The following NOX4 variants were observed in gnomAD, a reference collection of about 807,000 sequenced individuals.
NOX4 encodes NADPH oxidase 4.
A neutral mutation model predicts 87.6 loss-of-function variants in NOX4; 69 were observed. The ratio of observed to expected loss-of-function variants is 0.79; its 90% CI spans 0.65 to 0.96. The LOEUF (loss-of-function observed/expected upper bound fraction) is 0.96, where lower values mean the gene tolerates loss of function less well. Ranked by LOEUF, NOX4 falls within the 40% of genes least tolerant of loss-of-function variation. The pLI, the probability that NOX4 is intolerant of heterozygous loss-of-function variation, is 0.00. For missense variants in NOX4, 680 were observed against 681.5 expected, an observed-to-expected ratio of 1.00 and a Z score of 0.02; for synonymous variants, 275 against 238.2, an observed-to-expected ratio of 1.15 and a Z score of -1.42.
chr11:89,472,468 T>C (rs1945989519), intron 2 of NOX4, among the ~76,000 whole-genome samples: 1 of 152,204 alleles, frequency 6.6e-6, no homozygotes, highest in East Asian at 1.9e-4. Context: ...AAATATACAG[T>C]TCATAATGAC....
At chr11:89,421,550 C>G (rs1943084392) in intron 8 of NOX4, among the ~76,000 whole-genome samples, 1 of 152,056 alleles carries the variant, frequency 6.6e-6, no homozygotes, top group Non-Finnish European at 1.5e-5. Context: ...TTTAGCAGGA[C>G]AGTTTCAGGA....
chr11:89,474,641 A>G (rs1004513410), intron 2 of NOX4, among the ~76,000 whole-genome samples: 1 of 152,074 alleles, frequency 6.6e-6, no homozygotes, highest in African/African-American at 2.4e-5. Context: ...ATGCACATGT[A>G]TATATGTGTA....
chr11:89,579,830 A>C, the NOX4 span, among the ~76,000 whole-genome samples: 1 of 152,020 alleles, frequency 6.6e-6, no homozygotes, highest in African/African-American at 2.4e-5. Context: ...AATGAAGTAG[A>C]TGTATATGAT....
chr11:89,584,445 G>A, the NOX4 span, among the ~76,000 whole-genome samples: 2 of 152,046 alleles, frequency 1.3e-5, no homozygotes, highest in Non-Finnish European at 2.9e-5. Context: ...TTTTTACTCT[G>A]TCATGTCAAC....
chr11:89,392,019 G>T (rs1448521460), intron 11 of NOX4, among the ~76,000 whole-genome samples: 2 of 148,148 alleles, frequency 1.3e-5, no homozygotes, highest in Non-Finnish European at 3.0e-5. Context: ...TCCCGACCTG[G>T]GATAATTTCC....
the NOX4 span, among the ~76,000 whole-genome samples, chr11:89,509,997 T>TG: frequency 6.6e-6 from 1 of 152,060 alleles, no homozygotes; most frequent in Non-Finnish European, 1.5e-5. Context: ...GGAGGTAATT[T>TG]GAACCTACGG....
the NOX4 span, among the ~76,000 whole-genome samples, chr11:89,563,788 T>G: frequency 6.6e-6 from 1 of 152,322 alleles, no homozygotes; most frequent in South Asian, 2.1e-4. Context: ...TTATTTGTCT[T>G]TCTTAACATT....
chr11:89,400,961 T>C (rs572447070), intron 9 of NOX4, among the ~76,000 whole-genome samples: 5 of 152,048 alleles, frequency 3.3e-5, no homozygotes, highest in Admixed American at 1.3e-4. Context: ...AAAATAATAT[T>C]TATAATTTGG....
chr11:89,546,487 G>A, the NOX4 span: 5 of 152,104 alleles, frequency 3.3e-5, no homozygotes, highest in South Asian at 1.0e-3. Context: ...AGAGATAGAG[G>A]CTTGGCTCTT....
chr11:89,513,353 C>A, the NOX4 span, among the ~76,000 whole-genome samples: 1 of 151,638 alleles, frequency 6.6e-6, no homozygotes, highest in African/African-American at 2.4e-5. Context: ...AGAAGGAATT[C>A]CAACAGAGCT....
chr11:89,513,130 G>A, the NOX4 span, among the ~76,000 whole-genome samples: 1 of 151,984 alleles, frequency 6.6e-6, no homozygotes, highest in African/African-American at 2.4e-5. Context: ...AGACCAACCT[G>A]ACCAACATGG....
chr11:89,354,561 A>C (rs1452695016), intron 13 of NOX4, among the ~76,000 whole-genome samples: 1 of 152,172 alleles, frequency 6.6e-6, no homozygotes, highest in African/African-American at 2.4e-5. Flanking sequence ...TATCTAGCCC[A>C]CGGCTATTTT....
At chr11:89,358,386 C>CAAAAAAAAAA (rs10558391) in intron 12 of NOX4, among the ~76,000 whole-genome samples, 44 of 78,080 alleles carry the variant, frequency 5.6e-4, no homozygotes, top group Non-Finnish European at 9.1e-4. Context: ...AACTTAATCT[C>CAAAAAAAAAA]AAAAAAAAAA....
intron 1 of NOX4, among the ~76,000 whole-genome samples, chr11:89,497,239 GAACAC>G (rs1267166584): frequency 1.3e-5 from 2 of 152,134 alleles, no homozygotes; most frequent in African/African-American, 4.8e-5. Flanking sequence ...GGCATTTCCT[GAACAC>G]ATCTATTAAC....
the NOX4 span, chr11:89,534,030 T>G: frequency 6.6e-6 from 1 of 152,244 alleles, no homozygotes; most frequent in Admixed American, 6.5e-5. Context: ...AGGATAGCTT[T>G]AATTCCTTTC....
At chr11:89,469,710 G>A (rs555161425) in intron 2 of NOX4, among the ~76,000 whole-genome samples, 11 of 152,142 alleles carry the variant, frequency 7.2e-5, no homozygotes, top group East Asian at 1.9e-4. Context: ...TTGCAAATTC[G>A]GACACCTTGC....
At chr11:89,406,016 C>T (rs1185243648) in intron 8 of NOX4, among the ~76,000 whole-genome samples, 2 of 151,968 alleles carry the variant, frequency 1.3e-5, no homozygotes, top group African/African-American at 2.4e-5. Flanking sequence ...GACTTAGAAA[C>T]GGAGGGAGCA....
At chr11:89,396,116 T>C (rs1414361939) in intron 11 of NOX4, among the ~76,000 whole-genome samples, 2 of 152,158 alleles carry the variant, frequency 1.3e-5, no homozygotes, top group African/African-American at 2.4e-5. Flanking sequence ...TTTCATGATA[T>C]TGATTCTTCC....
At chr11:89,421,236 G>A (rs1310779295) in intron 8 of NOX4, among the ~76,000 whole-genome samples, 5 of 152,042 alleles carry the variant, frequency 3.3e-5, no homozygotes, top group South Asian at 2.1e-4. Context: ...GTTCACTGCC[G>A]GTGGCCATAC....
Sources: gnomAD v4.1 joint callset for allele counts (sites outside exome capture counted in the v4.1 genomes callset) on GRCh38, gnomAD v4.1.1 for gene constraint, MANE v1.5 for transcripts, NCBI Gene and HGNC (gene_info 2026-07-23, HGNC 2026-07-21) for gene names.